The following FYCO1 variants were observed in gnomAD, a reference collection of about 807,000 sequenced individuals.
FYCO1 encodes the protein FYVE and coiled-coil domain-containing protein 1.
FYCO1 carries 122 observed loss-of-function variants against 165.1 expected under a neutral mutation model. The observed-to-expected ratio is 0.74, with a 90% confidence interval of 0.64 to 0.86. The LOEUF is 0.86. Among genes scored for constraint, FYCO1 ranks in the 40% least tolerant of loss-of-function variants. FYCO1 has a pLI of 0.00. For synonymous variants in FYCO1, 648 were observed against 742.5 expected, an observed-to-expected ratio of 0.87 and a Z score of 2.07; for missense variants, 1,702 against 1,810.3, an observed-to-expected ratio of 0.94 and a Z score of 1.09.
chr3:45,946,454 C>A (rs1222033673), intron 14 of FYCO1: 17 of 1,578,192 alleles, frequency 1.1e-5, no homozygotes, highest in Non-Finnish European at 1.5e-5. Context: ...TGGGTTCTGA[C>A]TCACAGGTGT....
chr3:45,957,585 G>A (rs1290157468), intron 13 of FYCO1, among the ~76,000 whole-genome samples: 1 of 152,194 alleles, frequency 6.6e-6, no homozygotes, highest in African/African-American at 2.4e-5. Context: ...TTTAAAATGG[G>A]CAAAAGATTT....
chr3:45,935,883 C>T lies in FYCO1; in HGVS notation c.4040+565G>A, dbSNP rs548595885. Among the ~76,000 whole-genome samples the T allele has an allele frequency of 4.9e-4, 75 of 152,230 alleles. 1 individual carries two copies. The highest frequency in any genetic ancestry group is 1.8e-3 in the African/African-American group (74 of 41,534). ...TTAATAAATATCTGTGAATGAGTGA[C>T]TGAATCTATTTAATGACAATTATGC... On this transcript the variant is annotated intron_variant, in intron 15 of 17. Coordinates refer to ENST00000296137, the MANE Select transcript of FYCO1 (RefSeq NM_024513.4).
chr3:45,935,723 A>C (rs1307418009), intron 15 of FYCO1, among the ~76,000 whole-genome samples: 7 of 152,310 alleles, frequency 4.6e-5, no homozygotes, highest in Non-Finnish European at 7.3e-5. Flanking sequence ...TGACTTATTT[A>C]ATTATGTTTA....
At chr3:45,991,482 A>G (rs749163412) in intron 1 of FYCO1, among the ~76,000 whole-genome samples, 2 of 151,920 alleles carry the variant, frequency 1.3e-5, no homozygotes, top group Non-Finnish European at 2.9e-5. Flanking sequence ...CCCTCTGCCT[A>G]TGTTCAGGCA....
At chr3:45,961,735 G>A (rs536719055) in intron 11 of FYCO1, among the ~76,000 whole-genome samples, 5 of 152,322 alleles carry the variant, frequency 3.3e-5, no homozygotes, top group African/African-American at 1.2e-4. Flanking sequence ...AATCAAGACT[G>A]GCCCTGAGCT....
chr3:45,963,199 A>C (rs1705798620), intron 10 of FYCO1, among the ~76,000 whole-genome samples: 1 of 152,018 alleles, frequency 6.6e-6, no homozygotes, highest in African/African-American at 2.4e-5. Flanking sequence ...AGGTGCACCC[A>C]CACACACAGG....
chr3:45,987,740 G>C (rs1047177875), intron 1 of FYCO1, among the ~76,000 whole-genome samples: 6 of 152,210 alleles, frequency 3.9e-5, no homozygotes, highest in Admixed American at 3.3e-4. Context: ...AGAGGGTGGA[G>C]CTTGGGAAGG....
Position 45,967,815 on chromosome 3 carries a change from C to T in FYCO1, c.1519G>A (p.Glu507Lys), listed in dbSNP as rs1706171667. ...QQEEKELLEQ[E>K]VRSLTRQLQF... The stretch of plus-strand genomic sequence containing the variant: ...AGCTGCCGGGTCAGAGACCTGACCT[C>T]CTGCTCCAGCAGCTCCTTCTCCTCC... Residue 507 changes from glutamate to lysine, a missense_variant, in exon 8 of 18, where the codon GAG becomes AAG. By Grantham distance (56) the Glu-to-Lys change is moderately conservative. Coordinates refer to ENST00000296137, the MANE Select transcript of FYCO1 (RefSeq NM_024513.4). The T allele has an allele frequency of 2.5e-6, 4 of 1,614,122 alleles. No homozygotes were observed. The highest frequency in any genetic ancestry group is 1.6e-4 in the Middle Eastern group (1 of 6,062).
At chr3:45,946,586 C>T in intron 14 of FYCO1, 1 of 1,614,192 alleles carries the variant, frequency 6.2e-7, no homozygotes, top group Non-Finnish European at 8.5e-7. Context: ...TCTTTCTGCC[C>T]TGCATGTACC....
chr3:45,988,497 C>A (rs1290756966), intron 1 of FYCO1, among the ~76,000 whole-genome samples: 1 of 152,160 alleles, frequency 6.6e-6, no homozygotes, highest in Non-Finnish European at 1.5e-5. Context: ...TCTGTACATA[C>A]TACCACGGCT....
Position 45,993,380 on chromosome 3 carries a change from G to C in FYCO1, c.-113+2342C>G, listed in dbSNP as rs566477534. 3.9e-5 allele frequency among the ~76,000 whole-genome samples: 6 copies of C among 152,300 alleles called. No individual in the cohort carries two copies. The South Asian group carries it at 1.2e-3, about 32-fold the overall frequency. ...TCCAAGGCAATGGCTCTTATTATGG[G>C]GGTAGTACAGACATTTCAGCCATTT... is the stretch of plus-strand genomic sequence containing the variant. On this transcript the variant is annotated intron_variant, in intron 1 of 17. Coordinates refer to ENST00000296137, the MANE Select transcript of FYCO1 (RefSeq NM_024513.4). The surrounding 1 kb of genome is among the most constrained non-coding windows in gnomAD (Gnocchi z 4.4).
In FYCO1 at chr3:45,966,433, C is replaced by T. The variant is rs372215944; in HGVS notation, c.2901G>A (p.Ala967=). 1.1e-5 allele frequency: 17 copies of T among 1,612,672 alleles called. No individual in the cohort carries two copies. Among genetic ancestry groups the T allele is most frequent in the African/African-American group, 2.7e-5 (2 of 74,900 alleles). The change falls in exon 8 of 18, where the codon GCG becomes GCA. Residue 967 remains alanine, a synonymous_variant. Coordinates refer to ENST00000296137, the MANE Select transcript of FYCO1 (RefSeq NM_024513.4). ...EKESLQEKLK[A]AKAAAGSLPG... ...GCAGTGAGCCGGCTGCTGCCTTGGC[C>T]GCCTTCAGCTTCTCCTGCAAGCTCT...
intron 12 of FYCO1, among the ~76,000 whole-genome samples, chr3:45,958,979 C>G (rs745316275): frequency 9.2e-5 from 14 of 152,196 alleles, no homozygotes; most frequent in Non-Finnish European, 1.9e-4. Flanking sequence ...CAGCCCAGCC[C>G]GAGATTCATC....
intron 16 of FYCO1, among the ~76,000 whole-genome samples, chr3:45,929,817 GA>G (rs1357367525): frequency 3.3e-5 from 5 of 152,154 alleles, no homozygotes; most frequent in African/African-American, 1.2e-4. Context: ...TGACAAAAGC[GA>G]TCCCTGCATT....
At chr3:45,984,034 T>A (rs1026798803) in intron 2 of FYCO1, among the ~76,000 whole-genome samples, 16 of 152,208 alleles carry the variant, frequency 1.1e-4, no homozygotes, top group African/African-American at 3.9e-4. Context: ...CCTGGGCCTT[T>A]AGTCTGTCAG....
intron 14 of FYCO1, among the ~76,000 whole-genome samples, chr3:45,943,784 T>C (rs1704394806): frequency 6.6e-6 from 1 of 152,212 alleles, no homozygotes; most frequent in African/African-American, 2.4e-5. Flanking sequence ...AGGCTGATGG[T>C]ACTGCTAGTA....
At chr3:45,937,648 C>T (rs986929530) in intron 14 of FYCO1, among the ~76,000 whole-genome samples, 4 of 152,246 alleles carry the variant, frequency 2.6e-5, no homozygotes, top group African/African-American at 9.6e-5. Context: ...TGGGCTTGCT[C>T]TGGTCAGCAG....
intron 2 of FYCO1, among the ~76,000 whole-genome samples, chr3:45,983,556 G>A (rs13075758): frequency 0.088 from 13,471 of 152,242 alleles, 988 homozygotes; most frequent in South Asian, 0.34. Context: ...AGCTCTACCT[G>A]AGGGTCCCCT....
Position 45,995,731 on chromosome 3 carries a change from G to C in FYCO1, c.-122C>G, listed in dbSNP as rs1285010412. The C allele has an allele frequency of 6.5e-6, 1 of 152,710 alleles. No individual in the cohort carries two copies. The highest frequency in any genetic ancestry group is 1.5e-5 in the Non-Finnish European group (1 of 68,106). The allele number at this position is 152,710 out of a possible 1,614,324, so 9.5% of individuals were successfully genotyped here. On this transcript the variant is annotated 5_prime_UTR_variant, in exon 1 of 18. Coordinates refer to ENST00000296137, the MANE Select transcript of FYCO1 (RefSeq NM_024513.4). ...CTTCCGCGGCACTTACGCGCTCGTG[G>C]GTCCACCGCCGGGCAGAACCGAAAC...
Sources: gnomAD v4.1 joint callset for allele counts (sites outside exome capture counted in the v4.1 genomes callset) on GRCh38, gnomAD v4.1.1 for gene constraint, Gnocchi (gnomAD v3.1) non-coding constraint, MANE v1.5 for transcripts, NCBI Gene and HGNC (gene_info 2026-07-23, HGNC 2026-07-21) for gene names.